Variants in PIK3C2G observed in about 807,000 individuals in gnomAD.
PIK3C2G encodes phosphatidylinositol-4-phosphate 3-kinase catalytic subunit type 2 gamma, also known as phosphatidylinositol 3-kinase C2 domain-containing subunit gamma.
A neutral mutation model predicts 181.1 loss-of-function variants in PIK3C2G; 168 were observed. That is an observed-to-expected ratio of 0.93 (90% CI 0.82 to 1.05). The LOEUF (loss-of-function observed/expected upper bound fraction) is 1.05, where lower values mean the gene tolerates loss of function less well. PIK3C2G is among the 50% of genes least tolerant of loss of function. PIK3C2G has a pLI of 0.00. For synonymous variants in PIK3C2G, 573 were observed against 592.2 expected (o/e 0.97, Z 0.47); for missense variants, 1,869 against 1,732.8 (o/e 1.08, Z -1.40).
chr12:18,343,294 G>A lies in PIK3C2G; in HGVS notation c.1396-33G>A, dbSNP rs184962679. 1.3e-4 allele frequency: 153 copies of A among 1,178,990 alleles called. 2 individuals carry two copies. The East Asian group carries it at 2.6e-3, about 20-fold the overall frequency. 73.0% of individuals were successfully genotyped at this position (1,178,990 alleles called of 1,614,324 possible). ...TGACTATTTTGTGAATTTGTTGTGCGAATAACAAGTATAATTTTACATTTT... is the reference window on the plus strand; with the variant it reads ...TGACTATTTTGTGAATTTGTTGTGCAAATAACAAGTATAATTTTACATTTT... On this transcript the variant is annotated intron_variant, in intron 9 of 32. Transcript: ENST00000538779.
chr12:18,560,941 T>C (rs1025895456), intron 26 of PIK3C2G, among the ~76,000 whole-genome samples: 4 of 152,098 alleles, frequency 2.6e-5, no homozygotes, highest in Admixed American at 2.6e-4. Context: ...GTCATCAGAG[T>C]TTTGAACAGT....
rs776485084 is a variant in PIK3C2G, at chr12:18,282,751, A to C, written c.670A>C (p.Asn224His). The change falls in exon 2 of 33, where the codon AAT (asparagine) becomes CAT (histidine). Residue 224 changes from asparagine to histidine, a missense_variant. Physicochemically the swap from Asn to His is moderately conservative, Grantham distance 68. Transcript: ENST00000538779. ...PGMWESTWQK[N>H]IESIGCSIQL... is the part of the protein sequence containing the mutation. ...AATGTGGGAAAGTACATGGCAGAAG[A>C]ATATAGAGGTAAGTATAATACATGT... is the stretch of plus-strand genomic sequence containing the variant. 3 of 1,588,214 alleles carry C rather than the reference A, an allele frequency of 1.9e-6. No individual in the cohort carries two copies. Among genetic ancestry groups the C allele is most frequent in the East Asian group, 4.5e-5 (2 of 44,734 alleles).
rs181025572 is a variant in PIK3C2G, at chr12:18,594,413, A to T, written c.4012-81A>T. 1.0e-3 allele frequency: 767 copies of T among 744,928 alleles called. 4 individuals are homozygous for T. The highest frequency in any genetic ancestry group is 4.2e-3 in the Middle Eastern group (12 of 2,842). The allele number at this position is 744,928 out of a possible 1,614,324, so 46.1% of individuals were successfully genotyped here. On this transcript the variant is annotated intron_variant, in intron 29 of 32. Transcript: ENST00000538779. ...ACAGGTATCTATTTTAAAATGATATATATGGCAATTTTATGTAATAATGAA... is the reference window on the plus strand; with the variant it reads ...ACAGGTATCTATTTTAAAATGATATTTATGGCAATTTTATGTAATAATGAA...
chr12:18,588,214 C>T (rs893373081), intron 29 of PIK3C2G, among the ~76,000 whole-genome samples: 56 of 152,056 alleles, frequency 3.7e-4, no homozygotes, highest in African/African-American at 1.2e-3. Flanking sequence ...GATGAAGACA[C>T]CAAAATCAAT....
At chr12:18,346,949 T>G in intron 11 of PIK3C2G, 113 bp downstream of exon 11, 1 of 563,306 alleles carries the variant, frequency 1.8e-6, no homozygotes. Flanking sequence ...AATTTTGGAA[T>G]TAATCAGCAT....
At chr12:18,399,105 G>C (rs941941415) in intron 15 of PIK3C2G, among the ~76,000 whole-genome samples, 2 of 148,702 alleles carry the variant, frequency 1.3e-5, no homozygotes, top group African/African-American at 5.0e-5. Flanking sequence ...TGAGGCAGGA[G>C]AATGGCGTGA....
intron 16 of PIK3C2G, among the ~76,000 whole-genome samples, chr12:18,401,604 A>C (rs1944255097): frequency 6.6e-6 from 1 of 152,170 alleles, no homozygotes; most frequent in South Asian, 2.1e-4. Flanking sequence ...GAATAAGAGA[A>C]AATAAATATC....
the PIK3C2G span, chr12:18,705,263 T>C: frequency 6.2e-7 from 1 of 1,614,092 alleles, no homozygotes; most frequent in Non-Finnish European, 8.5e-7. Flanking sequence ...TACTTCTTGT[T>C]GGGCAGTGGA....
chr12:18,686,587 G>A, the PIK3C2G span, among the ~76,000 whole-genome samples: 1 of 151,906 alleles, frequency 6.6e-6, no homozygotes, highest in Non-Finnish European at 1.5e-5. Flanking sequence ...TGCCTTAAAT[G>A]TCCTTGTCCC....
the PIK3C2G span, among the ~76,000 whole-genome samples, chr12:18,663,800 G>C: frequency 1.3e-5 from 2 of 151,970 alleles, no homozygotes; most frequent in African/African-American, 2.4e-5. Context: ...TATCAACAGA[G>C]AAAAAGGCAA....
the PIK3C2G span, among the ~76,000 whole-genome samples, chr12:18,698,242 C>CTTCTTTTCTA: frequency 1.4e-5 from 2 of 145,402 alleles, no homozygotes; most frequent in African/African-American, 2.6e-5. Flanking sequence ...ATACACTTTT[C>CTTCTTTTCTA]TTCTATTCTA....
chr12:18,283,414 T>C (rs1949308786), intron 2 of PIK3C2G, among the ~76,000 whole-genome samples: 1 of 152,192 alleles, frequency 6.6e-6, no homozygotes, highest in South Asian at 2.1e-4. Context: ...GTAAATAATA[T>C]TTATTTCCGA....
intron 13 of PIK3C2G, among the ~76,000 whole-genome samples, chr12:18,381,089 T>C (rs1942802807): frequency 6.6e-6 from 1 of 152,212 alleles, no homozygotes; most frequent in African/African-American, 2.4e-5. Flanking sequence ...GATCTGTGGA[T>C]TTGGATGTTA....
chr12:18,709,853 T>C, the PIK3C2G span, among the ~76,000 whole-genome samples: 1 of 152,178 alleles, frequency 6.6e-6, no homozygotes, highest in African/African-American at 2.4e-5. Context: ...TGTTTTATAG[T>C]TTTCAGTATA....
the PIK3C2G span, among the ~76,000 whole-genome samples, chr12:18,657,638 T>A: frequency 2.6e-5 from 4 of 152,226 alleles, no homozygotes; most frequent in Admixed American, 1.3e-4. Context: ...ATACATACTT[T>A]AAAAAATCAG....
the PIK3C2G span, chr12:18,693,783 C>G: frequency 3.7e-5 from 56 of 1,513,194 alleles, no homozygotes; most frequent in Non-Finnish European, 4.9e-5. Flanking sequence ...CAAATAGAAA[C>G]TTTGGATCCA....
In PIK3C2G at chr12:18,460,879, A is replaced by G. The variant is rs546347409; in HGVS notation, c.2505-27570A>G. On this transcript the variant is annotated intron_variant, in intron 18 of 32. Coordinates refer to ENST00000538779, the MANE Select transcript of PIK3C2G (RefSeq NM_001288772.2). The stretch of plus-strand genomic sequence containing the variant: ...TCACTCATTATTTACATCACCTTAC[A>G]CTTTCTGGGGTCTGCTTTCCTCAGC... 7.0e-4 allele frequency among the ~76,000 whole-genome samples: 107 copies of G among 151,952 alleles called. 1 individual carries two copies. The South Asian group carries it at 7.9e-3, about 11-fold the overall frequency.
intron 8 of PIK3C2G, among the ~76,000 whole-genome samples, chr12:18,325,682 T>C (rs1591960272): frequency 7.6e-6 from 1 of 132,142 alleles, no homozygotes. Context: ...TACTCCAGCC[T>C]GGTGACAGAG....
chr12:18,528,235 G>T (rs576288577), intron 24 of PIK3C2G, among the ~76,000 whole-genome samples: 1 of 152,186 alleles, frequency 6.6e-6, no homozygotes, highest in Admixed American at 6.5e-5. Flanking sequence ...AGCAAAATGT[G>T]CTCTCTGAAA....
Sources: allele counts gnomAD v4.1 joint callset (sites outside exome capture counted in the v4.1 genomes callset), GRCh38; gene constraint gnomAD v4.1.1; transcripts MANE v1.5; gene names NCBI Gene and HGNC (gene_info 2026-07-23, HGNC 2026-07-21).